Variants in RPGRIP1L observed in about 807,000 individuals in gnomAD.
RPGRIP1L encodes RPGRIP1 like, also known as protein fantom.
RPGRIP1L carries 131 observed loss-of-function variants against 160.4 expected under a neutral mutation model. That is an observed-to-expected ratio of 0.82 (90% CI 0.71 to 0.94). The LOEUF (loss-of-function observed/expected upper bound fraction) is 0.94. Ranked by LOEUF, RPGRIP1L falls within the 40% of genes least tolerant of loss-of-function variation. The pLI is 0.00. For synonymous variants in RPGRIP1L, 510 were observed against 515.8 expected (o/e 0.99, Z 0.15); for missense variants, 1,522 against 1,535.8 (o/e 0.99, Z 0.15).
At chr16:53,651,258 G>A (rs996301931) in intron 15 of RPGRIP1L, among the ~76,000 whole-genome samples, 15 of 152,108 alleles carry the variant, frequency 9.9e-5, no homozygotes, top group African/African-American at 2.7e-4. Context: ...AGCAAGTCTT[G>A]AAGGAGAAGT....
At chr16:53,624,170 G>A (rs1964919484) in intron 22 of RPGRIP1L, among the ~76,000 whole-genome samples, 1 of 152,208 alleles carries the variant, frequency 6.6e-6, no homozygotes, top group Non-Finnish European at 1.5e-5. Flanking sequence ...AGGATCACAG[G>A]TGTGAACCAC....
intron 9 of RPGRIP1L, among the ~76,000 whole-genome samples, chr16:53,670,103 C>T (rs374687574): frequency 1.6e-4 from 24 of 152,190 alleles, no homozygotes; most frequent in African/African-American, 5.5e-4. Context: ...TTAATATAAT[C>T]AGTCACTGTA....
Position 53,645,858 on chromosome 16 carries a change from T to A in RPGRIP1L, c.2450A>T (p.Tyr817Phe). The A allele has an allele frequency of 6.2e-7, 1 of 1,614,156 alleles. No individual in the cohort carries two copies. The highest frequency in any genetic ancestry group is 8.5e-7 in the Non-Finnish European group (1 of 1,180,016). Residue 817 changes from tyrosine (Y) to phenylalanine (F), a missense_variant, in exon 17 of 27, where the codon TAC becomes TTC. Transcript: ENST00000647211. ...SHLQPHPYVV[Y>F]KFFDFADHDT... ...ATGGTCTGCAAAATCAAAAAACTTGTACACAACATATGGGTGTGGCTGCAG... is the reference window on the plus strand; with the variant it reads ...ATGGTCTGCAAAATCAAAAAACTTGAACACAACATATGGGTGTGGCTGCAG...
At chr16:53,678,234 G>C (rs1358724033) in intron 6 of RPGRIP1L, among the ~76,000 whole-genome samples, 1 of 151,168 alleles carries the variant, frequency 6.6e-6, no homozygotes, top group Non-Finnish European at 1.5e-5. Context: ...AGAACAAACT[G>C]AAATAAATTA....
chr16:53,657,715 T>TG, intron 12 of RPGRIP1L, 83 bp from the exon 13 acceptor site: 4 of 767,828 alleles, frequency 5.2e-6, no homozygotes, highest in Non-Finnish European at 8.4e-6. Flanking sequence ...TATCAATAAA[T>TG]AATTCATTGA....
chr16:53,689,191 T>C (rs1400301075), intron 4 of RPGRIP1L, among the ~76,000 whole-genome samples: 2 of 151,892 alleles, frequency 1.3e-5, no homozygotes, highest in Admixed American at 1.3e-4. Context: ...TGTGTAATGA[T>C]CCAATCAGGG....
chr16:53,673,081 G>A, intron 7 of RPGRIP1L, 65 bp from the exon 8 acceptor site: 1 of 1,413,628 alleles, frequency 7.1e-7, no homozygotes, highest in Non-Finnish European at 9.8e-7. Context: ...TTGACTAAAT[G>A]ATTTGACTAA....
In RPGRIP1L at chr16:53,703,630, G is replaced by A. The variant is rs1598443449; in HGVS notation, c.-8+173C>T. The A allele has an allele frequency of 1.5e-5, 3 of 193,554 alleles. No individual in the cohort carries two copies. In the East Asian group the frequency reaches 3.5e-4, roughly 23 times the overall value. 12.0% of individuals were successfully genotyped at this position (193,554 alleles called of 1,614,324 possible). On this transcript the variant is annotated intron_variant, in intron 1 of 26. Transcript: ENST00000647211. ...AGGGCGGCCTGTGATTCAGGCCTGA[G>A]GATGTGGAGGTGTCTTGGGCTGGGC... is the stretch of plus-strand genomic sequence containing the variant.
chr16:53,659,021 C>A (rs1598346046), intron 10 of RPGRIP1L, 143 bp from the exon 11 acceptor site: 1 of 700,418 alleles, frequency 1.4e-6, no homozygotes, highest in Non-Finnish European at 2.4e-6. Context: ...AGCACCTCGA[C>A]AAAGACAGCA....
intron 2 of RPGRIP1L, among the ~76,000 whole-genome samples, chr16:53,698,215 C>T (rs1488383443): frequency 2.0e-4 from 31 of 151,910 alleles, no homozygotes; most frequent in Non-Finnish European, 3.4e-4. Context: ...GCAGCCACCC[C>T]GTCTGGGAAG....
At chr16:53,641,511 T>A (rs758090775) in intron 17 of RPGRIP1L, 36 bp from the exon 18 acceptor site, 1 of 1,549,870 alleles carries the variant, frequency 6.5e-7, no homozygotes, top group Admixed American at 1.7e-5. Flanking sequence ...AATGCTAGAG[T>A]GAAGTTTTAT....
chr16:53,658,735 TTC>T, intron 11 of RPGRIP1L, 35 bp downstream of exon 11: 1 of 1,371,830 alleles, frequency 7.3e-7, no homozygotes. Flanking sequence ...GAGATAAAAA[TTC>T]TGAGTTTTAT....
In RPGRIP1L at chr16:53,619,059, C is replaced by T; in HGVS notation, c.3582G>A (p.Lys1194=). The change falls in exon 24 of 27, where the codon AAG becomes AAA. Residue 1194 remains lysine (K), a synonymous_variant. Coordinates refer to ENST00000647211, the MANE Select transcript of RPGRIP1L (RefSeq NM_015272.5). ...EETPVSLPKP[K]SGQWVYYNYS... ...AGTTATAGTAGACCCACTGCCCACT[C>T]TTGGGTTTTGGAAGTGACACGGGTG... 6.2e-7 allele frequency: 1 copy of T among 1,614,034 alleles called. No individual in the cohort carries two copies. Among genetic ancestry groups the T allele is most frequent in the South Asian group, 1.1e-5 (1 of 91,080 alleles).
intron 22 of RPGRIP1L, among the ~76,000 whole-genome samples, chr16:53,626,145 T>TAAAAAAAAAAAAAAAAAAAAAAACA (rs760491478): frequency 1.7e-5 from 1 of 60,534 alleles, no homozygotes; most frequent in Non-Finnish European, 3.2e-5. Context: ...CAATAAATAC[T>TAAAAAAAAAAAAAAAAAAAAAAACA]AAAAAAAAAA....
chr16:53,663,865 C>G (rs1175210749), intron 10 of RPGRIP1L, among the ~76,000 whole-genome samples: 1 of 152,052 alleles, frequency 6.6e-6, no homozygotes, highest in Non-Finnish European at 1.5e-5. Context: ...AAAATGCCAT[C>G]ACTTATAAGA....
At chr16:53,661,537 TA>T (rs1967801408) in intron 10 of RPGRIP1L, among the ~76,000 whole-genome samples, 1 of 152,140 alleles carries the variant, frequency 6.6e-6, no homozygotes. Flanking sequence ...CCGAAGTATG[TA>T]AAAACAAAGG....
chr16:53,667,355 C>T (rs1437958310), intron 9 of RPGRIP1L, among the ~76,000 whole-genome samples: 1 of 152,194 alleles, frequency 6.6e-6, no homozygotes, highest in Non-Finnish European at 1.5e-5. Flanking sequence ...TAAGATCTTT[C>T]CTTCTACAGA....
intron 25 of RPGRIP1L, 26 bp from the exon 26 acceptor site, chr16:53,605,640 T>A (rs1391939518): frequency 6.2e-7 from 1 of 1,613,008 alleles, no homozygotes; most frequent in East Asian, 2.2e-5. Flanking sequence ...TCAGAGAAAG[T>A]CACCACCAAG....
rs1255401924 is a variant in RPGRIP1L at position 53,698,285 on chromosome 16, C to T, written c.86-1990G>A. Among the ~76,000 whole-genome samples, 52 of 150,502 alleles carry T rather than the reference C, an allele frequency of 3.5e-4. 1 individual carries two copies. The highest frequency in any genetic ancestry group is 2.6e-3 in the East Asian group (13 of 5,054). ...GGGAGGGAGGTGGGGGGTCAGCCCC[C>T]GCCAGGCCAGCCGCCCCGTCCGGGA... On this transcript the variant is annotated intron_variant, in intron 2 of 26. Transcript: ENST00000647211.
Sources: allele counts gnomAD v4.1 joint callset (sites outside exome capture counted in the v4.1 genomes callset), GRCh38; gene constraint gnomAD v4.1.1; transcripts MANE v1.5; gene names NCBI Gene and HGNC (gene_info 2026-07-23, HGNC 2026-07-21).